Variants in TAF7L observed in about 807,000 individuals in gnomAD.
The protein encoded by TAF7L is TATA-box binding protein associated factor 7 like.
A neutral mutation model predicts 30.2 loss-of-function variants in TAF7L; 6 were observed. That is an observed-to-expected ratio of 0.20 (90% confidence interval 0.11 to 0.39). TAF7L has a LOEUF of 0.39. TAF7L is among the 10% of genes least tolerant of loss of function. The pLI, the probability that TAF7L is intolerant of heterozygous loss-of-function variation, is 1.00. For synonymous variants in TAF7L, 93 were observed against 94.5 expected (o/e 0.98, Z 0.09); for missense variants, 284 against 277.1 (o/e 1.03, Z -0.18).
intron 12 of TAF7L, among the ~76,000 whole-genome samples, chrX:101,271,062 C>G (rs1291193971): frequency 9.0e-6 from 1 of 111,262 alleles, no homozygotes; most frequent in Non-Finnish European, 1.9e-5. Context: ...CCTTTAAGTC[C>G]CTACCCCTCT....
chrX:101,284,206 CT>C (rs1924507223), intron 3 of TAF7L, among the ~76,000 whole-genome samples: 1 of 111,699 alleles, frequency 9.0e-6, no homozygotes, highest in African/African-American at 3.3e-5. Context: ...TGAATTAACT[CT>C]AAAAATAGAG....
chrX:101,284,789 TA>T (rs61103229), intron 3 of TAF7L, among the ~76,000 whole-genome samples: 38 of 105,118 alleles, frequency 3.6e-4, no homozygotes, highest in East Asian at 2.4e-3. Context: ...TTCTCTGTAT[TA>T]AAAAAAAAAA....
chrX:101,284,617 A>G (rs1924518731), intron 3 of TAF7L, among the ~76,000 whole-genome samples: 1 of 112,191 alleles, frequency 8.9e-6, no homozygotes, highest in African/African-American at 3.2e-5. Context: ...CGCCCGCCTC[A>G]GCCTCCCAAA....
chrX:101,278,178 G>C lies in TAF7L; in HGVS notation c.505-57C>G, dbSNP rs191140411. On this transcript the variant is annotated intron_variant, in intron 7 of 12. Coordinates refer to ENST00000356784, the MANE Select transcript of TAF7L (RefSeq NM_001168474.2). Reference sequence around the variant, plus strand: ...CCAATACTGTCATTTAACACCCTGTGTGTTGCAGGAGTGCCCTCCTACGTA... The same window carrying C: ...CCAATACTGTCATTTAACACCCTGTCTGTTGCAGGAGTGCCCTCCTACGTA... 783 of 976,464 alleles carry C rather than the reference G, an allele frequency of 8.0e-4. 5 individuals are homozygous for C. In the Middle Eastern group the frequency reaches 0.011, roughly 14 times the overall value. 80.5% of individuals were successfully genotyped at this position (976,464 alleles called of 1,213,427 possible).
chrX:101,275,782 C>T (rs1438065191), intron 11 of TAF7L, among the ~76,000 whole-genome samples: 1 of 111,397 alleles, frequency 9.0e-6, no homozygotes, highest in Non-Finnish European at 1.9e-5. Context: ...CAATTTTTAT[C>T]TCATATCACC....
At chrX:101,276,610 C>G in intron 9 of TAF7L, 82 bp from the exon 10 acceptor site, 1 of 996,233 alleles carries the variant, frequency 1.0e-6, no homozygotes, top group Non-Finnish European at 1.4e-6. Flanking sequence ...ATACTCCTTT[C>G]ACATTCCCCA....
chrX:101,282,265 G>C, intron 5 of TAF7L, 62 bp downstream of exon 5: 1 of 1,187,369 alleles, frequency 8.4e-7, no homozygotes, highest in Non-Finnish European at 1.1e-6. Context: ...TGTTTCACAA[G>C]GAATTAGGAT....
At position 101,276,083 on chromosome X, in the gene TAF7L, T is replaced by C. The variant is rs200241333; in HGVS notation, c.943A>G (p.Lys315Glu). 8.3e-7 allele frequency: 1 copy of C among 1,204,050 alleles called. No individual in the cohort carries two copies. Reference protein sequence around the residue: ...VMEIQKQIEKKEKKLHKIQNK... With the variant: ...VMEIQKQIEKEEKKLHKIQNK... ...TGAATCTTATGGAGCTTTTTCTCCTTTTTCTCAATCTGCTTCTGAATTTCC... is the reference window on the plus strand; with the variant it reads ...TGAATCTTATGGAGCTTTTTCTCCTCTTTCTCAATCTGCTTCTGAATTTCC... The change falls in exon 11 of 13, where the codon AAG (lysine) becomes GAG (glutamate). Residue 315 changes from lysine (K) to glutamate (E), a missense_variant. Physicochemically the swap from Lys to Glu is moderately conservative, Grantham distance 56. Coordinates refer to ENST00000356784, the MANE Select transcript of TAF7L (RefSeq NM_001168474.2).
intron 11 of TAF7L, 74 bp downstream of exon 11, chrX:101,275,926 A>T: frequency 1.4e-6 from 1 of 733,706 alleles, no homozygotes; most frequent in Non-Finnish European, 2.0e-6. Flanking sequence ...CACAGAGATA[A>T]CATAAGTGGA....
chrX:101,272,513 A>G (rs1308176739), intron 12 of TAF7L, among the ~76,000 whole-genome samples: 1 of 111,389 alleles, frequency 9.0e-6, no homozygotes, highest in Admixed American at 9.6e-5. Context: ...ATGCTAAATG[A>G]GAGGAGCCCG....
Position 101,286,192 on chromosome X carries a change from AAAAGAAAG to A in TAF7L, c.145+375_145+382del, listed in dbSNP as rs1005206920. Among the ~76,000 whole-genome samples, 420 of 106,265 alleles carry A rather than the reference AAAAGAAAG, an allele frequency of 4.0e-3. 3 individuals are homozygous for A. The highest frequency in any genetic ancestry group is 6.3e-3 in the Non-Finnish European group (329 of 52,107). The allele number at this position is 106,265 out of a possible 115,157, so 92.3% of individuals were successfully genotyped here. On this transcript the variant is annotated intron_variant, in intron 3 of 12. Transcript: ENST00000356784. ...CGAGACTCCATCTCAAAAAAAAAAA[AAAAGAAAG>A]AAAGAAAGAAAGAAAGAAAGAAATA...
At position 101,271,390 on chromosome X, in the gene TAF7L, T is replaced by C. The variant is rs72615571; in HGVS notation, c.1087-2153A>G. Among the ~76,000 whole-genome samples the C allele has an allele frequency of 2.7e-5, 3 of 112,260 alleles. No individual in the cohort carries two copies. In the East Asian group the frequency reaches 8.3e-4, roughly 31 times the overall value. ...TACTACACACCTAGGCTACATAGTATAGTCTATCGTTCCTAGGTTACAAAC... is the reference window on the plus strand; with the variant it reads ...TACTACACACCTAGGCTACATAGTACAGTCTATCGTTCCTAGGTTACAAAC... On this transcript the variant is annotated intron_variant, in intron 12 of 12. Transcript: ENST00000356784.
At chrX:101,270,427 A>AGT (rs1372310942) in intron 12 of TAF7L, among the ~76,000 whole-genome samples, 4 of 110,781 alleles carry the variant, frequency 3.6e-5, no homozygotes, top group African/African-American at 1.3e-4. Flanking sequence ...TGACTGATCC[A>AGT]GTTCTTTCTC....
At position 101,276,093 on chromosome X, in the gene TAF7L, C is replaced by A; in HGVS notation, c.933G>T (p.Gln311His). ...TSSIVMEIQKQIEKKEKKLHK... is the reference protein window; with the variant it reads ...TSSIVMEIQKHIEKKEKKLHK... ...GGAGCTTTTTCTCCTTTTTCTCAAT[C>A]TGCTTCTGAATTTCCATGACTAATA... is the stretch of plus-strand genomic sequence containing the variant. The change falls in exon 11 of 13, where the codon CAG becomes CAT. Residue 311 changes from glutamine to histidine, a missense_variant. Coordinates refer to ENST00000356784, the MANE Select transcript of TAF7L (RefSeq NM_001168474.2). 8.3e-7 allele frequency: 1 copy of A among 1,201,644 alleles called. No homozygotes were observed. Among genetic ancestry groups the A allele is most frequent in the Non-Finnish European group, 1.1e-6 (1 of 890,963 alleles).
chrX:101,290,877 A>G (rs1668598296), intron 1 of TAF7L, among the ~76,000 whole-genome samples: 1 of 111,300 alleles, frequency 9.0e-6, no homozygotes, highest in South Asian at 3.8e-4. Flanking sequence ...TACAATTGGA[A>G]TTATAATTGG....
intron 9 of TAF7L, among the ~76,000 whole-genome samples, chrX:101,276,970 CAAA>C (rs35125792): frequency 1.2e-5 from 1 of 82,188 alleles, no homozygotes. Context: ...TCTCTACTTA[CAAA>C]AAAAAAAAAA....
At position 101,286,565 on chromosome X, in the gene TAF7L, A is replaced by T; in HGVS notation, c.145+10T>A. 8.6e-7 allele frequency: 1 copy of T among 1,161,574 alleles called. No homozygotes were observed. The highest frequency in any genetic ancestry group is 1.2e-6 in the Non-Finnish European group (1 of 851,788). On this transcript the variant is annotated intron_variant, in intron 3 of 12. Transcript: ENST00000356784. The stretch of plus-strand genomic sequence containing the variant: ...GTTCAATGTATAGTGAATGGATATT[A>T]ACTACTTACGCAATAAGTCAATTTT...
At chrX:101,274,841 T>A (rs1924105157) in intron 12 of TAF7L, among the ~76,000 whole-genome samples, 1 of 112,587 alleles carries the variant, frequency 8.9e-6, no homozygotes, top group Non-Finnish European at 1.9e-5. Context: ...AGTTTGGTGA[T>A]GTTTTTGTGA....
upstream of TAF7L, among the ~76,000 whole-genome samples, chrX:101,292,264 AT>A (rs1324536971): frequency 1.6e-3 from 54 of 32,972 alleles, no homozygotes; most frequent in South Asian, 0.013. Flanking sequence ...AATAAAAAAA[AT>A]AAATAAAAAT....
Sources: gnomAD v4.1 joint callset for allele counts (sites outside exome capture counted in the v4.1 genomes callset) on GRCh38, gnomAD v4.1.1 for gene constraint, MANE v1.5 for transcripts, NCBI Gene and HGNC (gene_info 2026-07-23, HGNC 2026-07-21) for gene names.